RHOT1: variants seen among roughly 807,000 people sequenced by gnomAD.
RHOT1 encodes mitochondrial Rho GTPase 1.
Under a neutral mutation model 95.3 loss-of-function variants are expected in RHOT1, and 27 were observed. That is an observed-to-expected ratio of 0.28 (90% CI 0.21 to 0.39). The LOEUF is 0.39. Among genes scored for constraint, RHOT1 ranks in the 10% least tolerant of loss-of-function variants. The pLI, the probability that RHOT1 is intolerant of heterozygous loss-of-function variation, is 1.00. For synonymous variants in RHOT1, 227 were observed against 263.5 expected (o/e 0.86, Z 1.34); for missense variants, 578 against 786.7 (o/e 0.73, Z 3.17).
chr17:32,189,222 C>A (rs1236672313), intron 8 of RHOT1, among the ~76,000 whole-genome samples: 2 of 152,100 alleles, frequency 1.3e-5, no homozygotes, highest in Non-Finnish European at 2.9e-5. Flanking sequence ...TGGCATGAAC[C>A]CAGGAGACGG....
chr17:32,165,487 C>T (rs2142481825), intron 1 of RHOT1, among the ~76,000 whole-genome samples: 1 of 151,566 alleles, frequency 6.6e-6, no homozygotes, highest in South Asian at 2.1e-4. Context: ...CGTGCCACTG[C>T]ACTCCAGCCT....
intron 6 of RHOT1, among the ~76,000 whole-genome samples, chr17:32,177,027 C>G (rs2035063697): frequency 1.3e-5 from 2 of 152,178 alleles, no homozygotes; most frequent in South Asian, 4.1e-4. Context: ...CATTAACCCT[C>G]TGTCTTACAT....
intron 2 of RHOT1, among the ~76,000 whole-genome samples, chr17:32,172,100 A>G (rs552255413): frequency 3.3e-4 from 51 of 152,334 alleles, no homozygotes; most frequent in African/African-American, 1.1e-3. Flanking sequence ...GTTTACATTT[A>G]TCCTTCCTTT....
intron 13 of RHOT1, 73 bp downstream of exon 13, chr17:32,199,623 T>G: frequency 7.6e-7 from 1 of 1,307,960 alleles, no homozygotes; most frequent in Non-Finnish European, 1.0e-6. Flanking sequence ...CATTTGTCAC[T>G]TTGTAAGCTT....
chr17:32,216,060 A>G (rs9909927), intron 19 of RHOT1, among the ~76,000 whole-genome samples: 7,205 of 152,240 alleles, frequency 0.047, 574 homozygotes, highest in African/African-American at 0.16. Flanking sequence ...AAATTTGAAA[A>G]TGATTATATA....
chr17:32,203,689 G>A (rs1245262185), intron 15 of RHOT1, among the ~76,000 whole-genome samples: 2 of 152,138 alleles, frequency 1.3e-5, no homozygotes, highest in Non-Finnish European at 2.9e-5. Flanking sequence ...TGTACTTTAT[G>A]CAGAACAAAT....
At chr17:32,177,822 TTTC>T (rs1422723810) in intron 6 of RHOT1, among the ~76,000 whole-genome samples, 1 of 149,706 alleles carries the variant, frequency 6.7e-6, no homozygotes, top group Non-Finnish European at 1.5e-5. Flanking sequence ...TCTTTCTTTC[TTTC>T]TTCTTTTTTT....
intron 1 of RHOT1, among the ~76,000 whole-genome samples, chr17:32,170,054 CTTG>C (rs1169913942): frequency 2.0e-5 from 3 of 151,808 alleles, no homozygotes; most frequent in Non-Finnish European, 4.4e-5. Flanking sequence ...TCCAATGTTC[CTTG>C]TTAAGAGTTT....
At chr17:32,172,528 T>C (rs892618082) in intron 2 of RHOT1, among the ~76,000 whole-genome samples, 4 of 152,144 alleles carry the variant, frequency 2.6e-5, no homozygotes, top group African/African-American at 9.7e-5. Flanking sequence ...TTGTGAAAAA[T>C]GGAATCATTA....
At chr17:32,218,567 G>A (rs531069094) in intron 19 of RHOT1, among the ~76,000 whole-genome samples, 31 of 150,950 alleles carry the variant, frequency 2.1e-4, no homozygotes, top group Non-Finnish European at 4.4e-4. Context: ...GAGCACTTTT[G>A]GAGATCGAGA....
intron 8 of RHOT1, 38 bp from the exon 9 acceptor site, chr17:32,192,163 C>T: frequency 2.1e-6 from 2 of 967,760 alleles, no homozygotes; most frequent in Non-Finnish European, 1.6e-6. Flanking sequence ...ATGAAAATCA[C>T]AGTTTAAACA....
chr17:32,152,109 C>T lies in RHOT1; in HGVS notation c.37+9380C>T, dbSNP rs539976061. Among the ~76,000 whole-genome samples, 444 of 152,270 alleles carry T rather than the reference C, an allele frequency of 2.9e-3. 2 individuals carry two copies. Among genetic ancestry groups the T allele is most frequent in the Non-Finnish European group, 4.8e-3 (329 of 68,016 alleles). On this transcript the variant is annotated intron_variant, in intron 1 of 19. Transcript: ENST00000545287. ...AAAAGATAGTGACTGATACAAATAACTTAAACAGAATTGCCCCCACTCTTT... is the reference window on the plus strand; with the variant it reads ...AAAAGATAGTGACTGATACAAATAATTTAAACAGAATTGCCCCCACTCTTT...
At chr17:32,211,323 C>A in intron 19 of RHOT1, 85 bp downstream of exon 19, 1 of 1,277,536 alleles carries the variant, frequency 7.8e-7, no homozygotes. Flanking sequence ...TACAGATACT[C>A]ACTACAAAGA....
intron 19 of RHOT1, among the ~76,000 whole-genome samples, chr17:32,215,967 G>A (rs140095411): frequency 6.6e-6 from 1 of 152,062 alleles, no homozygotes; most frequent in East Asian, 1.9e-4. Flanking sequence ...TAATCTTTGG[G>A]ACTGCTTTCA....
chr17:32,142,778 C>T (rs774868865), intron 1 of RHOT1, 49 bp downstream of exon 1: 15 of 1,444,980 alleles, frequency 1.0e-5, no homozygotes, highest in South Asian at 1.4e-5. Flanking sequence ...CCTCCCTGCC[C>T]CTGCAGCCCC....
intron 12 of RHOT1, 84 bp from the exon 13 acceptor site, chr17:32,199,321 A>T: frequency 7.5e-7 from 1 of 1,324,684 alleles, no homozygotes; most frequent in South Asian, 1.3e-5. Flanking sequence ...TTTAAAAAGC[A>T]TAGCTTTACT....
At chr17:32,221,091 G>T (rs1449469127) in intron 19 of RHOT1, 1 of 980,122 alleles carries the variant, frequency 1.0e-6, no homozygotes, top group Admixed American at 6.2e-5. Context: ...GAAGCGGCCA[G>T]GCGTGGTGGC....
At chr17:32,170,229 A>G (rs2034464917) in intron 1 of RHOT1, among the ~76,000 whole-genome samples, 1 of 152,158 alleles carries the variant, frequency 6.6e-6, no homozygotes, top group Non-Finnish European at 1.5e-5. Context: ...AGCCTGGCCA[A>G]CATGGGGAAA....
chr17:32,151,240 C>T lies in RHOT1; in HGVS notation c.37+8511C>T, dbSNP rs1598284566. Reference sequence around the variant, plus strand: ...TAAACAGAGCTTCTAGTTCTTTATACTGTTGGCGGGTGAATGAAGTACATT... The same window carrying T: ...TAAACAGAGCTTCTAGTTCTTTATATTGTTGGCGGGTGAATGAAGTACATT... On this transcript the variant is annotated intron_variant, in intron 1 of 19. Transcript: ENST00000545287. The T allele has an allele frequency of 9.7e-6, 7 of 723,958 alleles. No individual in the cohort carries two copies. The East Asian group carries it at 2.0e-4, about 20-fold the overall frequency. The allele number at this position is 723,958 out of a possible 1,614,324, so 44.8% of individuals were successfully genotyped here.
Sources: gnomAD v4.1 joint callset for allele counts (sites outside exome capture counted in the v4.1 genomes callset) on GRCh38, gnomAD v4.1.1 for gene constraint, MANE v1.5 for transcripts, NCBI Gene and HGNC (gene_info 2026-07-23, HGNC 2026-07-21) for gene names.